ZMYM2: variants seen among roughly 807,000 people sequenced by gnomAD.
The protein encoded by ZMYM2 is zinc finger MYM-type containing 2.
In ZMYM2, 56 loss-of-function variants were observed where a neutral mutation model predicts 162.8. That is an observed-to-expected ratio of 0.34 (90% CI 0.28 to 0.43). The LOEUF (loss-of-function observed/expected upper bound fraction) is 0.43, where lower values mean the gene tolerates loss of function less well. Ranked by LOEUF, ZMYM2 falls within the 20% of genes least tolerant of loss-of-function variation. ZMYM2 has a pLI of 1.00. For missense variants in ZMYM2, 1,275 were observed against 1,621.8 expected (o/e 0.79, Z 3.67); for synonymous variants, 510 against 541.6 (o/e 0.94, Z 0.81).
intron 3 of ZMYM2, among the ~76,000 whole-genome samples, chr13:20,000,168 A>G (rs1950289023): frequency 6.6e-6 from 1 of 152,146 alleles, no homozygotes; most frequent in Non-Finnish European, 1.5e-5. Flanking sequence ...CAACTATGAC[A>G]TTTCCTTAAG....
chr13:19,951,331 T>A, the ZMYM2 span, among the ~76,000 whole-genome samples: 1 of 151,992 alleles, frequency 6.6e-6, no homozygotes, highest in African/African-American at 2.4e-5. Context: ...ATATGTCTGA[T>A]AAGAGGTTAC....
chr13:20,038,786 TAA>T (rs1336105250), intron 12 of ZMYM2, among the ~76,000 whole-genome samples: 1 of 151,536 alleles, frequency 6.6e-6, no homozygotes, highest in East Asian at 1.9e-4. Context: ...CATAGGATTT[TAA>T]AAGTTTTTTT....
intron 17 of ZMYM2, 146 bp downstream of exon 17, chr13:20,061,370 A>ACTTCG: frequency 1.5e-6 from 1 of 651,292 alleles, no homozygotes; most frequent in Non-Finnish European, 2.2e-6. Flanking sequence ...TTTTTATATT[A>ACTTCG]AGAGATCTAC....
intron 3 of ZMYM2, among the ~76,000 whole-genome samples, chr13:19,994,872 G>A (rs1233909342): frequency 2.0e-5 from 3 of 151,536 alleles, no homozygotes; most frequent in Non-Finnish European, 4.4e-5. Flanking sequence ...TCTCTCTGTC[G>A]CCCAGAGTGG....
the ZMYM2 span, among the ~76,000 whole-genome samples, chr13:19,867,350 CAAA>C: frequency 4.9e-5 from 5 of 101,524 alleles, no homozygotes; most frequent in Non-Finnish European, 6.4e-5. Flanking sequence ...AACTCCATCT[CAAA>C]AAAAAAAAAA....
At chr13:19,927,252 T>G in the ZMYM2 span, among the ~76,000 whole-genome samples, 2 of 152,220 alleles carry the variant, frequency 1.3e-5, no homozygotes, top group Non-Finnish European at 2.9e-5. Flanking sequence ...TCTAGACCAT[T>G]GCCGATAACA....
chr13:20,045,276 A>C (rs1954665912), intron 12 of ZMYM2, among the ~76,000 whole-genome samples: 1 of 152,234 alleles, frequency 6.6e-6, no homozygotes, highest in South Asian at 2.1e-4. Context: ...TATTGTAAAT[A>C]AAAAAAGGAA....
intron 17 of ZMYM2, 145 bp downstream of exon 17, chr13:20,061,369 T>TGCG: frequency 1.4e-6 from 1 of 692,190 alleles, no homozygotes; most frequent in Non-Finnish European, 2.1e-6. Context: ...TTTTTTATAT[T>TGCG]AAGAGATCTA....
chr13:19,976,772 T>A lies in ZMYM2; in HGVS notation c.-10-16291T>A, dbSNP rs185339641. 1.4e-3 allele frequency among the ~76,000 whole-genome samples: 216 copies of A among 152,348 alleles called. 2 individuals carry two copies. The highest frequency in any genetic ancestry group is 4.8e-3 in the African/African-American group (198 of 41,576). On this transcript the variant is annotated intron_variant, in intron 2 of 24. Transcript: ENST00000610343. ...TTTAGAAGTCTATTGTATGTATATGTCTTTTAGGTCTGAGTAGTTTATAGT... is the reference window on the plus strand; with the variant it reads ...TTTAGAAGTCTATTGTATGTATATGACTTTTAGGTCTGAGTAGTTTATAGT...
At chr13:19,954,755 C>G (rs182806077), upstream of ZMYM2, among the ~76,000 whole-genome samples, 2 of 151,818 alleles carry the variant, frequency 1.3e-5, no homozygotes, top group African/African-American at 4.8e-5. Context: ...TTGTTTCAGT[C>G]TTTGTTCCTT....
the ZMYM2 span, among the ~76,000 whole-genome samples, chr13:19,917,253 C>T: frequency 2.6e-5 from 4 of 152,182 alleles, no homozygotes; most frequent in South Asian, 4.1e-4. Flanking sequence ...TGAGCCACCA[C>T]GCCCGGCTTG....
intron 2 of ZMYM2, among the ~76,000 whole-genome samples, chr13:19,973,383 T>C (rs1956495342): frequency 6.6e-6 from 1 of 151,916 alleles, no homozygotes; most frequent in African/African-American, 2.4e-5. Context: ...AACAGTACCA[T>C]AGAGGGGCCG....
chr13:19,999,209 T>A (rs1017472377), intron 3 of ZMYM2, among the ~76,000 whole-genome samples: 2 of 152,218 alleles, frequency 1.3e-5, no homozygotes, highest in Admixed American at 1.3e-4. Flanking sequence ...TACCTCATTT[T>A]ATAGTACTTT....
the ZMYM2 span, among the ~76,000 whole-genome samples, chr13:19,902,302 A>G: frequency 6.6e-6 from 1 of 152,230 alleles, no homozygotes; most frequent in Non-Finnish European, 1.5e-5. Flanking sequence ...AAATGAAAAC[A>G]TTCTAGAGAT....
rs532482455 is a variant in ZMYM2, at chr13:20,023,613, C to A, written c.1585-2999C>A. 1.2e-3 allele frequency among the ~76,000 whole-genome samples: 183 copies of A among 152,218 alleles called. 1 individual carries two copies. Among genetic ancestry groups the A allele is most frequent in the South Asian group, 5.6e-3 (27 of 4,826 alleles). ...TTGTTTCACTTGGTTCTATCTCATTCTTTTTCACTGAAATTATACGTAGGC... is the reference window on the plus strand; with the variant it reads ...TTGTTTCACTTGGTTCTATCTCATTATTTTTCACTGAAATTATACGTAGGC... On this transcript the variant is annotated intron_variant, in intron 7 of 24. Coordinates refer to ENST00000610343, the MANE Select transcript of ZMYM2 (RefSeq NM_197968.4).
In ZMYM2 at chr13:19,985,448, T is replaced by C. The variant is rs145536567; in HGVS notation, c.-10-7615T>C. Among the ~76,000 whole-genome samples, 208 of 152,278 alleles carry C rather than the reference T, an allele frequency of 1.4e-3. 2 individuals carry two copies. The highest frequency in any genetic ancestry group is 4.6e-3 in the African/African-American group (191 of 41,562). ...CCCATTCATTGTTTTTTAAATCCCA[T>C]TGTAGGTTGGTACTTTGGGCTTGCT... On this transcript the variant is annotated intron_variant, in intron 2 of 24. Transcript: ENST00000610343.
At chr13:20,079,190 G>A (rs866484406) in intron 21 of ZMYM2, among the ~76,000 whole-genome samples, 20 of 151,018 alleles carry the variant, frequency 1.3e-4, no homozygotes, top group African/African-American at 4.6e-4. Flanking sequence ...GTGGTGGCAC[G>A]TGCCTGTAAT....
intron 12 of ZMYM2, among the ~76,000 whole-genome samples, chr13:20,040,962 A>G (rs1954190742): frequency 6.6e-6 from 1 of 152,172 alleles, no homozygotes; most frequent in African/African-American, 2.4e-5. Flanking sequence ...CTGTGATCCA[A>G]GAGACTTTTG....
At chr13:20,055,835 C>T (rs770057690) in intron 14 of ZMYM2, among the ~76,000 whole-genome samples, 4 of 151,832 alleles carry the variant, frequency 2.6e-5, no homozygotes, top group African/African-American at 7.3e-5. Context: ...GCTTTCAGCT[C>T]ACAACAGGTT....
Sources: allele counts gnomAD v4.1 joint callset (sites outside exome capture counted in the v4.1 genomes callset), GRCh38; gene constraint gnomAD v4.1.1; transcripts MANE v1.5; gene names NCBI Gene and HGNC (gene_info 2026-07-23, HGNC 2026-07-21).